The following WDR17 variants were observed in gnomAD, a reference collection of about 807,000 sequenced individuals.
WDR17 encodes the protein WD repeat domain 17, also known as WD repeat-containing protein 17.
Under a neutral mutation model 161.7 loss-of-function variants are expected in WDR17, and 143 were observed. The ratio of observed to expected loss-of-function variants is 0.88; its 90% CI spans 0.77 to 1.02. WDR17 has a LOEUF of 1.02. WDR17 is among the 50% of genes least tolerant of loss of function. The pLI is 0.00. For missense variants in WDR17, 1,469 were observed against 1,520.9 expected (o/e 0.97, Z 0.57); for synonymous variants, 517 against 515.6 (o/e 1.00, Z -0.04).
At chr4:176,077,015 C>G (rs907929134) in intron 1 of WDR17, among the ~76,000 whole-genome samples, 1 of 152,046 alleles carries the variant, frequency 6.6e-6, no homozygotes, top group Non-Finnish European at 1.5e-5. Flanking sequence ...ATGGAACTTT[C>G]TCCCCTCTGC....
intron 6 of WDR17, 53 bp downstream of exon 6, chr4:176,128,913 A>G (rs1262605074): frequency 1.2e-6 from 1 of 832,684 alleles, no homozygotes; most frequent in African/African-American, 2.8e-5. Context: ...TGTGTTTTCT[A>G]TCAAATAAAA....
chr4:176,076,695 T>C (rs1243137175), intron 1 of WDR17, among the ~76,000 whole-genome samples: 4 of 152,088 alleles, frequency 2.6e-5, no homozygotes, highest in Non-Finnish European at 4.4e-5. Flanking sequence ...TGTTGTCTTT[T>C]GTTTTTTTCA....
chr4:176,161,676 T>C (rs1749055314), intron 20 of WDR17, among the ~76,000 whole-genome samples: 2 of 152,170 alleles, frequency 1.3e-5, no homozygotes, highest in Non-Finnish European at 1.5e-5. Flanking sequence ...TTACTGCCAT[T>C]CTCTGCCATT....
In WDR17 at chr4:176,182,395, G is replaced by A. The variant is rs984749881; in HGVS notation, c.*2816G>A. On this transcript the variant is annotated 3_prime_UTR_variant, in exon 29 of 29. Transcript: ENST00000508596. The surrounding 1 kb of genome is among the most constrained non-coding windows in gnomAD (Gnocchi z 4.2). Reference sequence around the variant, plus strand: ...GTATGTATGAAATATATATATGTGCGTGTGTGTGTGTATATATATATATAT... The same window carrying A: ...GTATGTATGAAATATATATATGTGCATGTGTGTGTGTATATATATATATAT... The A allele has an allele frequency of 1.0e-4, 6 of 57,196 alleles. No individual in the cohort carries two copies. Among genetic ancestry groups the A allele is most frequent in the African/African-American group, 1.3e-4 (2 of 15,930 alleles). 3.5% of individuals were successfully genotyped at this position (57,196 alleles called of 1,614,324 possible). A position where few individuals can be genotyped will look rare whatever the true frequency, so the allele number is the denominator to read the frequency against.
At chr4:176,175,377 C>G (rs2126892795) in intron 26 of WDR17, among the ~76,000 whole-genome samples, 1 of 152,316 alleles carries the variant, frequency 6.6e-6, no homozygotes, top group Non-Finnish European at 1.5e-5. Context: ...TTTATAACAA[C>G]TTGTTTAACT....
At chr4:176,112,010 G>A (rs1258274257) in intron 2 of WDR17, among the ~76,000 whole-genome samples, 2 of 152,014 alleles carry the variant, frequency 1.3e-5, no homozygotes. Flanking sequence ...ATATTATTGG[G>A]AGAAAAACTT....
At chr4:176,172,942 C>T (rs377087723) in intron 24 of WDR17, among the ~76,000 whole-genome samples, 2 of 152,252 alleles carry the variant, frequency 1.3e-5, no homozygotes, top group South Asian at 2.1e-4. Context: ...ATCCAAACAC[C>T]TCCCTACTCC....
chr4:176,171,901 G>C (rs1185544211), intron 23 of WDR17, among the ~76,000 whole-genome samples: 1 of 151,978 alleles, frequency 6.6e-6, no homozygotes, highest in Non-Finnish European at 1.5e-5. Flanking sequence ...CATTTTTTGT[G>C]TCTCTGAAAT....
At chr4:176,133,378 TAAAAAAAAAAAA>T (rs571544131) in intron 7 of WDR17, among the ~76,000 whole-genome samples, 7 of 72,992 alleles carry the variant, frequency 9.6e-5, no homozygotes, top group East Asian at 5.8e-4. Flanking sequence ...TCTACTAAGC[TAAAAAAAAAAAA>T]AAAAAAAAAA....
Position 176,146,115 on chromosome 4 carries a change from G to T in WDR17, c.1650G>T (p.Trp550Cys), listed in dbSNP as rs755655139. The part of the protein sequence containing the change: ...GHTAKVFHVK[W>C]SPLREGILCS... ...CAGCAAAAGTGTTTCATGTTAAATG[G>T]TCTCCTCTGAGAGAGGGAATTCTTT... Residue 550 changes from tryptophan to cysteine, a missense_variant, in exon 12 of 29, where the codon TGG (tryptophan) becomes TGT (cysteine). Trp to Cys is a radical substitution (Grantham distance 215). Coordinates refer to ENST00000508596, the MANE Select transcript of WDR17 (RefSeq NM_181265.4). The T allele has an allele frequency of 6.2e-7, 1 of 1,613,918 alleles. No individual in the cohort carries two copies. Among genetic ancestry groups the T allele is most frequent in the South Asian group, 1.1e-5 (1 of 91,040 alleles).
Position 176,181,570 on chromosome 4 carries a change from T to A in WDR17, c.*1991T>A, listed in dbSNP as rs1457977865. On this transcript the variant is annotated 3_prime_UTR_variant, in exon 29 of 29. Transcript: ENST00000508596. ...AAAGAGTACCTGAGATGTATTTTTT[T>A]AAACTCTTAGAGATATCTGTAACTC... 9 of 196,892 alleles carry A rather than the reference T, an allele frequency of 4.6e-5. No homozygotes were observed. The highest frequency in any genetic ancestry group is 9.0e-5 in the Non-Finnish European group (9 of 99,660). 12.2% of individuals were successfully genotyped at this position (196,892 alleles called of 1,614,324 possible). A position where few individuals can be genotyped will look rare whatever the true frequency, so the allele number is the denominator to read the frequency against.
Position 176,179,466 on chromosome 4 carries a change from G to A in WDR17, c.3739G>A (p.Val1247Met). The stretch of plus-strand genomic sequence containing the variant: ...CTCAACTCTCACTGTGCAGGGCCCT[G>A]TGTTTTTCCTTGAAGACGGGAAATC... ...CLTGLKIQGPVFFLEDGKSAI... is the reference protein window; with the variant it reads ...CLTGLKIQGPMFFLEDGKSAI... Residue 1247 changes from valine to methionine, a missense_variant, in exon 29 of 29, where the codon GTG becomes ATG. Physicochemically the swap from Val to Met is conservative, Grantham distance 21. Transcript: ENST00000508596. 6.3e-7 allele frequency: 1 copy of A among 1,598,736 alleles called. No homozygotes were observed.
intron 1 of WDR17, among the ~76,000 whole-genome samples, chr4:176,071,602 A>G (rs1394314641): frequency 6.6e-6 from 1 of 152,212 alleles, no homozygotes; most frequent in Admixed American, 6.5e-5. Context: ...GGCGTGAGCC[A>G]CCACACCCGG....
At chr4:176,168,314 G>C (rs928219837) in intron 22 of WDR17, among the ~76,000 whole-genome samples, 1 of 152,252 alleles carries the variant, frequency 6.6e-6, no homozygotes, top group Admixed American at 6.5e-5. Flanking sequence ...AAAAGTTGAC[G>C]AGAGTTAACT....
intron 17 of WDR17, among the ~76,000 whole-genome samples, chr4:176,155,061 G>A (rs965240483): frequency 2.6e-5 from 4 of 152,058 alleles, no homozygotes; most frequent in African/African-American, 9.7e-5. Context: ...GGATAAAATA[G>A]AAATAGATGG....
chr4:176,082,948 A>G (rs1255358663), intron 1 of WDR17, among the ~76,000 whole-genome samples: 1 of 152,174 alleles, frequency 6.6e-6, no homozygotes, highest in Non-Finnish European at 1.5e-5. Flanking sequence ...CTTTCATAAA[A>G]GAGTAAAATG....
intron 25 of WDR17, among the ~76,000 whole-genome samples, chr4:176,173,920 G>A (rs943123357): frequency 1.3e-5 from 2 of 150,998 alleles, no homozygotes; most frequent in Admixed American, 6.6e-5. Flanking sequence ...GTTTATATAT[G>A]TACACACACA....
intron 1 of WDR17, among the ~76,000 whole-genome samples, chr4:176,105,350 C>T (rs1388522364): frequency 6.6e-6 from 1 of 151,984 alleles, no homozygotes; most frequent in Non-Finnish European, 1.5e-5. Flanking sequence ...AGGACTCAAA[C>T]AATATATTAA....
intron 1 of WDR17, among the ~76,000 whole-genome samples, chr4:176,099,482 C>T (rs1737441375): frequency 6.6e-6 from 1 of 152,098 alleles, no homozygotes; most frequent in African/African-American, 2.4e-5. Context: ...TAAACTGGTG[C>T]TCACAGTGCA....
Sources: gnomAD v4.1 joint callset for allele counts (sites outside exome capture counted in the v4.1 genomes callset) on GRCh38, gnomAD v4.1.1 for gene constraint, Gnocchi (gnomAD v3.1) non-coding constraint, MANE v1.5 for transcripts, NCBI Gene and HGNC (gene_info 2026-07-23, HGNC 2026-07-21) for gene names.